KCNK2: variants seen among roughly 807,000 people sequenced by gnomAD.
KCNK2 encodes potassium channel subfamily K member 2.
A neutral mutation model predicts 40.5 loss-of-function variants in KCNK2; 21 were observed. That is an observed-to-expected ratio of 0.52 (90% CI 0.37 to 0.75). The LOEUF is 0.75. Ranked by LOEUF, KCNK2 falls within the 30% of genes least tolerant of loss-of-function variation. The pLI, the probability that KCNK2 is intolerant of heterozygous loss-of-function variation, is 0.00. For synonymous variants in KCNK2, 191 were observed against 202.2 expected, an observed-to-expected ratio of 0.94 and a Z score of 0.47; for missense variants, 399 against 531.6, an observed-to-expected ratio of 0.75 and a Z score of 2.45.
chr1:215,169,418 T>C lies in KCNK2; in HGVS notation c.636+59T>C, dbSNP rs1158288348. On this transcript the variant is annotated intron_variant, in intron 4 of 6. Transcript: ENST00000444842. ...ATTGTTTGATTTTTTTAAAAAATTA[T>C]ATCTTTTCTGTCACCTCAGATACAA... The C allele has an allele frequency of 3.7e-6, 5 of 1,340,020 alleles. No homozygotes were observed. The Admixed American group carries it at 9.2e-5, about 25-fold the overall frequency. 83.0% of individuals were successfully genotyped at this position (1,340,020 alleles called of 1,614,324 possible).
At chr1:215,149,108 G>T (rs970835226) in intron 3 of KCNK2, among the ~76,000 whole-genome samples, 1 of 152,130 alleles carries the variant, frequency 6.6e-6, no homozygotes, top group South Asian at 2.1e-4. Flanking sequence ...GAAAGAGTTG[G>T]TTATTAGGAG....
At chr1:215,168,916 A>G (rs1663572070) in intron 3 of KCNK2, among the ~76,000 whole-genome samples, 1 of 152,174 alleles carries the variant, frequency 6.6e-6, no homozygotes, top group South Asian at 2.1e-4. Context: ...TTGAAAAAAT[A>G]ATAATGATAA....
chr1:215,179,603 T>C (rs1193194380), intron 5 of KCNK2, among the ~76,000 whole-genome samples: 1 of 152,152 alleles, frequency 6.6e-6, no homozygotes, highest in African/African-American at 2.4e-5. Flanking sequence ...ATTTCTAGTT[T>C]AATTTTCTTG....
chr1:215,156,061 C>CTGTGTGTG (rs112439818), intron 3 of KCNK2, among the ~76,000 whole-genome samples: 55 of 148,740 alleles, frequency 3.7e-4, no homozygotes, highest in African/African-American at 1.3e-3. Flanking sequence ...TATAGGTAGT[C>CTGTGTGTG]TGTGTGTGTG....
Position 215,093,040 on chromosome 1 carries a change from G to A in KCNK2, c.357+6362G>A, listed in dbSNP as rs995965993. On this transcript the variant is annotated intron_variant, in intron 2 of 6. Coordinates refer to ENST00000444842, the MANE Select transcript of KCNK2 (RefSeq NM_001017425.3). ...AATATGAGTTTGGAGTTTGCGGGAG[G>A]GGCCAGACTGAAGATACACATTTGG... is the stretch of plus-strand genomic sequence containing the variant. Among the ~76,000 whole-genome samples, 5 of 152,002 alleles carry A rather than the reference G, an allele frequency of 3.3e-5. No individual in the cohort carries two copies. The South Asian group carries it at 1.0e-3, about 31-fold the overall frequency.
chr1:215,181,218 T>C (rs1312531192), intron 5 of KCNK2, among the ~76,000 whole-genome samples: 6 of 152,290 alleles, frequency 3.9e-5, no homozygotes, highest in Admixed American at 3.9e-4. Context: ...GAAGCTCTGA[T>C]TGATTTATTT....
intron 3 of KCNK2, among the ~76,000 whole-genome samples, chr1:215,155,601 C>T (rs1023022915): frequency 6.6e-6 from 1 of 152,088 alleles, no homozygotes; most frequent in Non-Finnish European, 1.5e-5. Context: ...CTCACTGCAA[C>T]CTCTGCCTCC....
At chr1:215,088,770 A>C (rs1032840246) in intron 2 of KCNK2, among the ~76,000 whole-genome samples, 1 of 152,200 alleles carries the variant, frequency 6.6e-6, no homozygotes, top group African/African-American at 2.4e-5. Context: ...TTTGAAATGG[A>C]AACAAGCAGA....
At chr1:215,133,673 T>C (rs1661770043) in intron 3 of KCNK2, among the ~76,000 whole-genome samples, 1 of 152,026 alleles carries the variant, frequency 6.6e-6, no homozygotes, top group Non-Finnish European at 1.5e-5. Context: ...TCTTGGAAAA[T>C]TGGCATTGTT....
intron 1 of KCNK2, among the ~76,000 whole-genome samples, chr1:215,032,677 C>G (rs1013563071): frequency 8.6e-5 from 13 of 152,036 alleles, no homozygotes; most frequent in Non-Finnish European, 1.3e-4. Flanking sequence ...GGATTTTTTT[C>G]TCTCAGTATT....
chr1:215,164,909 G>C (rs1663374425), intron 3 of KCNK2, among the ~76,000 whole-genome samples: 1 of 152,112 alleles, frequency 6.6e-6, no homozygotes, highest in Admixed American at 6.6e-5. Flanking sequence ...AGAGTGCCTG[G>C]CAAATAGTAG....
chr1:215,078,140 T>A (rs186282807), upstream of KCNK2, among the ~76,000 whole-genome samples: 4 of 152,224 alleles, frequency 2.6e-5, no homozygotes, highest in Non-Finnish European at 5.9e-5. Flanking sequence ...TAAAAAAACC[T>A]CGTAATGTTT....
chr1:215,180,105 A>C (rs1260076722), intron 5 of KCNK2, among the ~76,000 whole-genome samples: 1 of 152,152 alleles, frequency 6.6e-6, no homozygotes, highest in Non-Finnish European at 1.5e-5. Flanking sequence ...TCTTATCCTT[A>C]TGTAATACCT....
chr1:215,019,454 T>C (rs1235613343), intron 1 of KCNK2, among the ~76,000 whole-genome samples: 1 of 152,204 alleles, frequency 6.6e-6, no homozygotes, highest in Non-Finnish European at 1.5e-5. Flanking sequence ...AATATGACAA[T>C]GTCAGTTGTT....
chr1:215,175,321 G>A (rs1436130936), intron 5 of KCNK2, among the ~76,000 whole-genome samples: 14 of 152,052 alleles, frequency 9.2e-5, no homozygotes, highest in Non-Finnish European at 2.1e-4. Flanking sequence ...TAGTGACTCT[G>A]TGACACTGAA....
At chr1:215,027,474 C>T (rs2102482884) in intron 1 of KCNK2, among the ~76,000 whole-genome samples, 1 of 152,282 alleles carries the variant, frequency 6.6e-6, no homozygotes, top group South Asian at 2.1e-4. Context: ...GTCCCTCCAA[C>T]ATCTATTAAT....
At chr1:215,055,814 T>C (rs1233145505) in intron 1 of KCNK2, among the ~76,000 whole-genome samples, 5 of 152,220 alleles carry the variant, frequency 3.3e-5, no homozygotes, top group Non-Finnish European at 7.3e-5. Flanking sequence ...CTACAACCAA[T>C]GAACGTGGAA....
intron 6 of KCNK2, among the ~76,000 whole-genome samples, chr1:215,229,301 A>G (rs1213664894): frequency 7.0e-6 from 1 of 142,278 alleles, no homozygotes; most frequent in African/African-American, 2.6e-5. Context: ...GTTTCTCCTG[A>G]TTTTCAAGCT....
intron 1 of KCNK2, among the ~76,000 whole-genome samples, chr1:215,024,386 G>A (rs1656924619): frequency 6.6e-6 from 1 of 152,206 alleles, no homozygotes; most frequent in Admixed American, 6.5e-5. Flanking sequence ...GTCCAGTATT[G>A]CAGGAGCCCA....
Sources: gnomAD v4.1 joint callset for allele counts (sites outside exome capture counted in the v4.1 genomes callset) on GRCh38, gnomAD v4.1.1 for gene constraint, MANE v1.5 for transcripts, NCBI Gene and HGNC (gene_info 2026-07-23, HGNC 2026-07-21) for gene names.